TM2D3: variants seen among roughly 807,000 people sequenced by gnomAD.
TM2D3 encodes the protein TM2 domain containing 3.
TM2D3 carries 33 observed loss-of-function variants against 27.3 expected under a neutral mutation model. That is an observed-to-expected ratio of 1.21 (90% confidence interval 0.92 to 1.61). TM2D3 has a LOEUF of 1.61. Among genes scored for constraint, TM2D3 ranks in the 40% most tolerant of loss-of-function variants. TM2D3 has a pLI of 0.00. For missense variants in TM2D3, 364 were observed against 320.8 expected (o/e 1.13, Z -1.03); for synonymous variants, 138 against 122.2 (o/e 1.13, Z -0.85).
At chr15:101,646,447 T>A in intron 4 of TM2D3, 1 of 211,162 alleles carries the variant, frequency 4.7e-6, no homozygotes, top group Non-Finnish European at 1.0e-5. Context: ...TGGTGCTGCT[T>A]TCATTGTTAT....
intron 3 of TM2D3, among the ~76,000 whole-genome samples, chr15:101,647,451 C>A (rs1217838622): frequency 6.6e-6 from 1 of 152,204 alleles, no homozygotes; most frequent in East Asian, 1.9e-4. Context: ...AGCCTGGCAA[C>A]TCAGGGTTGT....
intron 4 of TM2D3, chr15:101,646,417 T>G (rs780098575): frequency 2.4e-4 from 80 of 339,978 alleles, no homozygotes; most frequent in Non-Finnish European, 3.8e-4. Flanking sequence ...ACTCAGGCAC[T>G]CAGGCGGCCG....
At chr15:101,638,380 T>C (rs909222053), downstream of TM2D3, among the ~76,000 whole-genome samples, 2 of 151,840 alleles carry the variant, frequency 1.3e-5, no homozygotes, top group African/African-American at 2.4e-5. Flanking sequence ...CAGCAGCCTC[T>C]GCCTCCCAGG....
chr15:101,645,263 ACT>A lies in TM2D3; in HGVS notation c.503-103_503-102del, dbSNP rs1896775662. On this transcript the variant is annotated intron_variant, in intron 4 of 5. Transcript: ENST00000333202. Reference sequence around the variant, plus strand: ...TCAAAATTTAAAATGTGAAAAGTCAACTCTCTTTACGGTAATACATGTTGAAG... The same window carrying A: ...TCAAAATTTAAAATGTGAAAAGTCAACTCTTTACGGTAATACATGTTGAAG... 6.2e-6 allele frequency: 6 copies of A among 969,236 alleles called. No homozygotes were observed. The African/African-American group carries it at 1.0e-4, about 16-fold the overall frequency. The allele number at this position is 969,236 out of a possible 1,614,324, so 60.0% of individuals were successfully genotyped here.
At chr15:101,633,795 T>A (rs1258347010) in intron 4 of TM2D3, 1 of 1,329,212 alleles carries the variant, frequency 7.5e-7, no homozygotes, top group Non-Finnish European at 1.0e-6. Context: ...ATATCCAACA[T>A]GTCCAGGAGA....
downstream of TM2D3, among the ~76,000 whole-genome samples, chr15:101,641,183 G>GT (rs1596261473): frequency 6.6e-6 from 1 of 152,218 alleles, no homozygotes; most frequent in African/African-American, 2.4e-5. Flanking sequence ...GATACAAAAA[G>GT]TGTGTCTTTG....
intron 3 of TM2D3, among the ~76,000 whole-genome samples, chr15:101,647,454 A>G (rs1217420534): frequency 6.6e-6 from 1 of 152,178 alleles, no homozygotes; most frequent in African/African-American, 2.4e-5. Context: ...CTGGCAACTC[A>G]GGGTTGTTAC....
downstream of TM2D3, among the ~76,000 whole-genome samples, chr15:101,640,539 T>A (rs866261980): frequency 6.6e-6 from 1 of 152,178 alleles, no homozygotes; most frequent in Non-Finnish European, 1.5e-5. Context: ...GACTCCAACA[T>A]GGCATTTTGC....
At chr15:101,650,249 T>C (rs1404335068) in intron 2 of TM2D3, 88 bp from the exon 3 acceptor site, 14 of 1,350,152 alleles carry the variant, frequency 1.0e-5, no homozygotes, top group Middle Eastern at 2.1e-4. Flanking sequence ...GACGTGATCA[T>C]TAGCAAGTAG....
downstream of TM2D3, chr15:101,636,932 A>G (rs1211887973): frequency 6.9e-6 from 3 of 437,270 alleles, no homozygotes; most frequent in Non-Finnish European, 1.4e-5. Context: ...GAAGAGTCCA[A>G]CTCTGTAAAA....
intron 5 of TM2D3, among the ~76,000 whole-genome samples, chr15:101,643,149 T>C (rs1241066238): frequency 6.6e-6 from 1 of 152,114 alleles, no homozygotes. Flanking sequence ...ATGGAAAATT[T>C]CTAAACACCT....
chr15:101,633,350 G>T (rs1313451315), exon 5 of TM2D3: 4 of 283,002 alleles, frequency 1.4e-5, no homozygotes, highest in Non-Finnish European at 2.6e-5. Flanking sequence ...CGCTTAGCTG[G>T]ATTCTCTGTT....
chr15:101,644,870 T>C (rs1414897134), intron 5 of TM2D3, among the ~76,000 whole-genome samples: 2 of 152,190 alleles, frequency 1.3e-5, no homozygotes, highest in African/African-American at 2.4e-5. Flanking sequence ...GTAAACGTAA[T>C]GTGCAGGCAT....
At chr15:101,641,729 TTA>T (rs1318060250), downstream of TM2D3, 1 of 278,160 alleles carries the variant, frequency 3.6e-6, no homozygotes, top group African/African-American at 2.3e-5. Flanking sequence ...AACCAGCCAA[TTA>T]TGACTCTGTT....
chr15:101,650,164 G>A lies in TM2D3; in HGVS notation c.170-3C>T, dbSNP rs748017113. On this transcript the variant is annotated splice_region_variant and splice_polypyrimidine_tract_variant and intron_variant, in intron 2 of 5. Transcript: ENST00000333202. ...ATAAGGTGGGATTTCAGTACTTTCT[G>A]TGAGAGGCAAGAGAGAAGCTTATTC... 6.2e-7 allele frequency: 1 copy of A among 1,611,976 alleles called. No homozygotes were observed. Among genetic ancestry groups the A allele is most frequent in the Non-Finnish European group, 8.5e-7 (1 of 1,179,092 alleles).
In TM2D3 at chr15:101,652,324, G is replaced by T. The variant is rs374360447; in HGVS notation, c.38C>A (p.Ala13Asp). ...GAGGAAGAGCAGCACGCGACACAAG[G>T]CGCGGAGGCCCCTCAGCGGGAGCAC... ...GGVLPLRGLRALCRVLLFLSQ... is the reference protein window; with the variant it reads ...GGVLPLRGLRDLCRVLLFLSQ... Residue 13 changes from alanine to aspartate, a missense_variant, in exon 1 of 6, where the codon GCC (alanine) becomes GAC (aspartate). Ala to Asp is a moderately radical substitution (Grantham distance 126, BLOSUM62 -2). Transcript: ENST00000333202. 10 of 1,602,334 alleles carry T rather than the reference G, an allele frequency of 6.2e-6. No homozygotes were observed. In the African/African-American group the frequency reaches 1.4e-4, roughly 22 times the overall value.
Position 101,646,928 on chromosome 15 carries a change from A to G in TM2D3, c.328-29T>C, listed in dbSNP as rs754265710. ...TGTAGCAAATGACACAAAACTCATC[A>G]ATCACAATGGTGTAGTCTGTTAAGA... is the stretch of plus-strand genomic sequence containing the variant. On this transcript the variant is annotated intron_variant, in intron 3 of 5. Coordinates refer to ENST00000333202, the MANE Select transcript of TM2D3 (RefSeq NM_078474.3). 2.5e-6 allele frequency: 4 copies of G among 1,613,084 alleles called. No individual in the cohort carries two copies. In the African/African-American group the frequency reaches 5.3e-5, roughly 22 times the overall value.
rs181343793 is a variant in TM2D3, at chr15:101,649,102, A to T, written c.327+902T>A. 1.6e-4 allele frequency among the ~76,000 whole-genome samples: 25 copies of T among 152,290 alleles called. No individual in the cohort carries two copies. The South Asian group carries it at 4.8e-3, about 29-fold the overall frequency. On this transcript the variant is annotated intron_variant, in intron 3 of 5. Coordinates refer to ENST00000333202, the MANE Select transcript of TM2D3 (RefSeq NM_078474.3). Reference sequence around the variant, plus strand: ...TTAATTAAATACTATGAGAAAACTTATATGTTTTTCATGTTATATATCTAT... The same window carrying T: ...TTAATTAAATACTATGAGAAAACTTTTATGTTTTTCATGTTATATATCTAT...
chr15:101,649,641 C>T (rs1171057920), intron 3 of TM2D3, among the ~76,000 whole-genome samples: 2 of 152,200 alleles, frequency 1.3e-5, no homozygotes, highest in Non-Finnish European at 2.9e-5. Flanking sequence ...GACACTGCCA[C>T]CCCCTCTGTA....
Sources: gnomAD v4.1 joint callset for allele counts (sites outside exome capture counted in the v4.1 genomes callset) on GRCh38, gnomAD v4.1.1 for gene constraint, MANE v1.5 for transcripts, NCBI Gene and HGNC (gene_info 2026-07-23, HGNC 2026-07-21) for gene names.